The following CYP4F12 variants were observed in gnomAD, a reference collection of about 807,000 sequenced individuals.
The protein encoded by CYP4F12 is cytochrome P450 family 4 subfamily F member 12.
CYP4F12 carries 60 observed loss-of-function variants against 56.5 expected under a neutral mutation model. The ratio of observed to expected loss-of-function variants is 1.06; its 90% CI spans 0.86 to 1.32. CYP4F12 has a LOEUF of 1.32. Ranked by LOEUF, CYP4F12 falls within the 40% of genes most tolerant of loss-of-function variation. The pLI, the probability that CYP4F12 is intolerant of heterozygous loss-of-function variation, is 0.00. For missense variants in CYP4F12, 711 were observed against 683.5 expected (o/e 1.04, Z -0.45); for synonymous variants, 263 against 264.9 (o/e 0.99, Z 0.07).
chr19:15,681,399 T>C (rs565405831), intron 5 of CYP4F12: 1 of 152,248 alleles, frequency 6.6e-6, no homozygotes, highest in East Asian at 1.9e-4. Context: ...AACTGATAAG[T>C]TAGCTTGTTA....
chr19:15,679,811 T>C (rs2007184789), intron 3 of CYP4F12, among the ~76,000 whole-genome samples: 1 of 152,226 alleles, frequency 6.6e-6, no homozygotes. Flanking sequence ...GTCTGGGACA[T>C]TTAAGAAATC....
chr19:15,677,153 CCA>C (rs1568414074), intron 2 of CYP4F12, among the ~76,000 whole-genome samples: 1 of 100,788 alleles, frequency 9.9e-6, no homozygotes, highest in African/African-American at 3.6e-5. Flanking sequence ...ATTCCTCTAC[CCA>C]CACTCATTCC....
At chr19:15,694,076 G>A (rs1413089739) in intron 9 of CYP4F12, among the ~76,000 whole-genome samples, 1 of 151,970 alleles carries the variant, frequency 6.6e-6, no homozygotes, top group Non-Finnish European at 1.5e-5. Context: ...GTACCATGCT[G>A]TTTTGGTTAC....
At position 15,689,489 on chromosome 19, in the gene CYP4F12, G is replaced by C. The variant is rs1032410052; in HGVS notation, c.1115+4292G>C. On this transcript the variant is annotated intron_variant, in intron 9 of 12. Coordinates refer to ENST00000550308, the MANE Select transcript of CYP4F12 (RefSeq NM_023944.4). ...ATGTATGTTGTGGATGTATTGAAAA[G>C]TGAATGCTCATACACTGCTATGAAA... is the stretch of plus-strand genomic sequence containing the variant. Among the ~76,000 whole-genome samples, 15 of 152,300 alleles carry C rather than the reference G, an allele frequency of 9.8e-5. 1 individual carries two copies. The highest frequency in any genetic ancestry group is 3.6e-4 in the African/African-American group (15 of 41,576).
intron 2 of CYP4F12, among the ~76,000 whole-genome samples, chr19:15,675,217 C>T (rs376929877): frequency 0.88 from 57,209 of 64,878 alleles, 26,136 homozygotes; most frequent in East Asian, 1. Context: ...CCTTTCCCTC[C>T]GACTGGGACC....
chr19:15,674,591 C>T (rs147592749), intron 2 of CYP4F12, among the ~76,000 whole-genome samples: 73 of 4,120 alleles, frequency 0.018, no homozygotes, highest in Admixed American at 0.038. Flanking sequence ...ATTCCTCTGC[C>T]CACTCACTCA....
chr19:15,696,475 TCACC>T lies in CYP4F12; in HGVS notation c.1361_1364del (p.Ser454PhefsTer24). 1 of 1,613,648 alleles carries T rather than the reference TCACC, an allele frequency of 6.2e-7. No individual in the cohort carries two copies. On this transcript the variant is annotated frameshift_variant, in exon 12 of 13. Transcript: ENST00000550308. LOFTEE classifies it low-confidence loss of function (END_TRUNC). ...TGACCCAGAGAACAGCAAGGGGAGG[TCACC>T]TCTGGCTTTTATTCCTTTCTCCGCA...
At position 15,697,032 on chromosome 19, in the gene CYP4F12, G is replaced by C. The variant is rs189002430; in HGVS notation, c.1522G>C (p.Ala508Pro). 6.2e-7 allele frequency: 1 copy of C among 1,614,166 alleles called. No homozygotes were observed. Among genetic ancestry groups the C allele is most frequent in the Non-Finnish European group, 8.5e-7 (1 of 1,179,960 alleles). Residue 508 changes from alanine to proline, a missense_variant, in exon 13 of 13, where the codon GCC becomes CCC. By Grantham distance (27) the Ala-to-Pro change is conservative. Transcript: ENST00000550308. The stretch of plus-strand genomic sequence containing the variant: ...CAGGAAGCTGGAATTGATCATGCGC[G>C]CCGAGGGCGGGCTTTGGCTGCGGGT... ...PRRKLELIMR[A>P]EGGLWLRVEP...
At chr19:15,675,247 T>C (rs74182258) in intron 2 of CYP4F12, among the ~76,000 whole-genome samples, 53,073 of 62,908 alleles carry the variant, frequency 0.84, 24,527 homozygotes, top group East Asian at 1. Context: ...CTTTGGGGGA[T>C]GTGGCCTCTG....
chr19:15,680,589 G>A lies in CYP4F12; in HGVS notation c.525+70G>A, dbSNP rs750453342. ...AGGGACCATGGACACATCTGGTCTG[G>A]AATTTTGGCTCTTCTGGGTGGCACT... On this transcript the variant is annotated intron_variant, in intron 5 of 12. Transcript: ENST00000550308. The A allele has an allele frequency of 4.3e-6, 7 of 1,609,720 alleles. No individual in the cohort carries two copies. In the South Asian group the frequency reaches 6.6e-5, roughly 15 times the overall value.
intron 9 of CYP4F12, 43 bp from the exon 10 acceptor site, chr19:15,695,893 A>G (rs695149): frequency 1.3e-6 from 2 of 1,587,350 alleles, no homozygotes; most frequent in African/African-American, 2.7e-5. Context: ...AGAGTTGTGT[A>G]TTTGTTCCCT....
intron 9 of CYP4F12, among the ~76,000 whole-genome samples, chr19:15,690,708 G>T (rs1256512250): frequency 6.6e-6 from 1 of 152,062 alleles, no homozygotes; most frequent in Non-Finnish European, 1.5e-5. Flanking sequence ...TACACCACAC[G>T]GAAAATGAGT....
chr19:15,690,974 G>C (rs1204203076), intron 9 of CYP4F12, among the ~76,000 whole-genome samples: 3 of 151,988 alleles, frequency 2.0e-5, no homozygotes, highest in Non-Finnish European at 2.9e-5. Context: ...TGGACATTTG[G>C]GAACATGTTT....
chr19:15,678,125 T>G, intron 2 of CYP4F12, 136 bp from the exon 3 acceptor site: 2 of 1,147,760 alleles, frequency 1.7e-6, no homozygotes, highest in Admixed American at 2.0e-5. Flanking sequence ...CTTCAAATGC[T>G]AATCTCTTCT....
Position 15,683,653 on chromosome 19 carries a change from G to C in CYP4F12, c.808G>C (p.Val270Leu), listed in dbSNP as rs57578760. 2.9e-3 allele frequency: 4,649 copies of C among 1,612,726 alleles called. 2 individuals carry two copies. The African/African-American group carries it at 0.056, about 19-fold the overall frequency. ...CRLVHDFTDA[V>L]IRERRRTLPT... is the part of the protein sequence containing the mutation. ...CCTGGTGCATGACTTCACAGACGCT[G>C]TCATCCGGGAGCGGCGTCGCACCCT... is the stretch of plus-strand genomic sequence containing the variant. Residue 270 changes from valine (V) to leucine (L), a missense_variant, in exon 7 of 13, where the codon GTC (valine) becomes CTC (leucine). By Grantham distance (32) the Val-to-Leu change is conservative. Coordinates refer to ENST00000550308, the MANE Select transcript of CYP4F12 (RefSeq NM_023944.4).
chr19:15,695,124 T>C (rs1433443003), intron 9 of CYP4F12, among the ~76,000 whole-genome samples: 4 of 151,900 alleles, frequency 2.6e-5, no homozygotes, highest in African/African-American at 4.8e-5. Context: ...AATGATAGAC[T>C]GGATTAAGAA....
At chr19:15,683,029 G>C (rs964715684) in intron 6 of CYP4F12, among the ~76,000 whole-genome samples, 2 of 152,088 alleles carry the variant, frequency 1.3e-5, no homozygotes, top group African/African-American at 4.8e-5. Flanking sequence ...GAGCCACTGT[G>C]CCCAGCTGCT....
rs747585126 is a variant in CYP4F12 at position 15,683,664 on chromosome 19, G to A, written c.819G>A (p.Glu273=). The A allele has an allele frequency of 2.0e-5, 33 of 1,613,756 alleles. No homozygotes were observed. The East Asian group carries it at 3.6e-4, about 17-fold the overall frequency. Reference sequence around the variant, plus strand: ...ACTTCACAGACGCTGTCATCCGGGAGCGGCGTCGCACCCTCCCCACTCAGG... The same window carrying A: ...ACTTCACAGACGCTGTCATCCGGGAACGGCGTCGCACCCTCCCCACTCAGG... ...VHDFTDAVIR[E]RRRTLPTQGI... is the part of the protein sequence containing the mutation. Residue 273 remains glutamate (E), a synonymous_variant, in exon 7 of 13, where the codon GAG becomes GAA. Transcript: ENST00000550308.
intron 9 of CYP4F12, among the ~76,000 whole-genome samples, chr19:15,691,202 C>T (rs2007853362): frequency 6.6e-6 from 1 of 152,176 alleles, no homozygotes; most frequent in African/African-American, 2.4e-5. Flanking sequence ...TTTTGTGTAG[C>T]TGTATACTAT....
Sources: gnomAD v4.1 joint callset for allele counts (sites outside exome capture counted in the v4.1 genomes callset) on GRCh38, gnomAD v4.1.1 for gene constraint, MANE v1.5 for transcripts, NCBI Gene and HGNC (gene_info 2026-07-23, HGNC 2026-07-21) for gene names.